Variants in RANBP2 observed in about 807,000 individuals in gnomAD.
The protein encoded by RANBP2 is RAN binding protein 2.
RANBP2 carries 57 observed loss-of-function variants against 303.6 expected under a neutral mutation model. That is an observed-to-expected ratio of 0.19 (90% CI 0.15 to 0.23). RANBP2 has a LOEUF of 0.23. Among genes scored for constraint, RANBP2 ranks in the 10% least tolerant of loss-of-function variants. The pLI is 1.00. For synonymous variants in RANBP2, 1,167 were observed against 1,301.5 expected, an observed-to-expected ratio of 0.90 and a Z score of 2.23; for missense variants, 3,138 against 3,780.8, an observed-to-expected ratio of 0.83 and a Z score of 4.46.
chr2:109,647,129 T>C, the RANBP2 span, among the ~76,000 whole-genome samples: 1 of 149,034 alleles, frequency 6.7e-6, no homozygotes. Context: ...TTTTGGGAAG[T>C]GTCAGCCACT....
At chr2:109,018,219 G>C in the RANBP2 span, among the ~76,000 whole-genome samples, 1 of 152,140 alleles carries the variant, frequency 6.6e-6, no homozygotes, top group Non-Finnish European at 1.5e-5. Flanking sequence ...TTTCTATGAC[G>C]GACATGATAA....
At chr2:109,199,031 C>T in the RANBP2 span, among the ~76,000 whole-genome samples, 2 of 151,956 alleles carry the variant, frequency 1.3e-5, no homozygotes, top group African/African-American at 2.4e-5. Flanking sequence ...CCTTAAGCAC[C>T]GTCTTGAGTT....
the RANBP2 span, chr2:108,878,574 C>T: frequency 0.75 from 141,433 of 188,826 alleles, 56,022 homozygotes; most frequent in East Asian, 0.95. Flanking sequence ...TATGTTTTAT[C>T]GGGAAAATGG....
chr2:109,175,585 A>C, the RANBP2 span, among the ~76,000 whole-genome samples: 2 of 152,340 alleles, frequency 1.3e-5, no homozygotes, highest in South Asian at 4.1e-4. Context: ...GGAGCTGCAA[A>C]TCTGAAATCT....
the RANBP2 span, among the ~76,000 whole-genome samples, chr2:109,301,601 G>T: frequency 6.6e-6 from 1 of 152,100 alleles, no homozygotes; most frequent in Admixed American, 6.5e-5. Flanking sequence ...CGTCCCCAGG[G>T]CCTCTGTGGG....
the RANBP2 span, among the ~76,000 whole-genome samples, chr2:109,058,893 C>G: frequency 6.6e-6 from 1 of 152,108 alleles, no homozygotes; most frequent in African/African-American, 2.4e-5. Context: ...TGTGGGGTCC[C>G]TTTCGCCTCT....
chr2:109,262,779 T>C, the RANBP2 span, among the ~76,000 whole-genome samples: 33 of 152,208 alleles, frequency 2.2e-4, no homozygotes, highest in Non-Finnish European at 3.8e-4. Flanking sequence ...CATTTATATA[T>C]GTAATGGGCC....
chr2:109,135,814 C>T, the RANBP2 span, among the ~76,000 whole-genome samples: 3 of 152,060 alleles, frequency 2.0e-5, no homozygotes, highest in Non-Finnish European at 4.4e-5. Context: ...TTTAAATTTG[C>T]TCCAAGTTTA....
At chr2:108,949,818 G>C in the RANBP2 span, among the ~76,000 whole-genome samples, 1 of 152,202 alleles carries the variant, frequency 6.6e-6, no homozygotes, top group Admixed American at 6.5e-5. Context: ...GATTTATCAT[G>C]GGTTAGGTCT....
At chr2:109,038,696 C>A in the RANBP2 span, among the ~76,000 whole-genome samples, 1 of 152,102 alleles carries the variant, frequency 6.6e-6, no homozygotes, top group Non-Finnish European at 1.5e-5. Flanking sequence ...ACATGTATTT[C>A]TTTTGGGAAA....
the RANBP2 span, among the ~76,000 whole-genome samples, chr2:109,696,477 T>C: frequency 6.6e-6 from 1 of 152,222 alleles, no homozygotes; most frequent in African/African-American, 2.4e-5. Flanking sequence ...ATATGTGGGT[T>C]CATTTCTGGA....
At chr2:108,725,699 G>C (rs932694888) in intron 1 of RANBP2, among the ~76,000 whole-genome samples, 3 of 151,964 alleles carry the variant, frequency 2.0e-5, no homozygotes, top group African/African-American at 4.8e-5. Context: ...CCACTGCACT[G>C]CAGCCTGGCG....
chr2:108,823,885 G>A, the RANBP2 span, among the ~76,000 whole-genome samples: 1 of 151,836 alleles, frequency 6.6e-6, no homozygotes, highest in Non-Finnish European at 1.5e-5. Flanking sequence ...GCTGAGGCAA[G>A]AGAATTGCTT....
the RANBP2 span, among the ~76,000 whole-genome samples, chr2:109,266,419 C>T: frequency 6.6e-6 from 1 of 152,042 alleles, no homozygotes; most frequent in African/African-American, 2.4e-5. Flanking sequence ...CAACAAGACT[C>T]GCAGGAACAA....
chr2:109,475,135 G>T, the RANBP2 span, among the ~76,000 whole-genome samples: 1 of 152,056 alleles, frequency 6.6e-6, no homozygotes, highest in African/African-American at 2.4e-5. Flanking sequence ...GCACCACCAC[G>T]CCCAGCTAAT....
At chr2:109,384,408 C>T in the RANBP2 span, among the ~76,000 whole-genome samples, 4 of 151,586 alleles carry the variant, frequency 2.6e-5, no homozygotes, top group African/African-American at 7.3e-5. Flanking sequence ...AAGCGGCCTT[C>T]GGGGAGGGGC....
chr2:109,623,843 G>C, the RANBP2 span, among the ~76,000 whole-genome samples: 1 of 152,220 alleles, frequency 6.6e-6, no homozygotes, highest in African/African-American at 2.4e-5. Flanking sequence ...AGGTTGGTAG[G>C]TTTGGGGTGG....
the RANBP2 span, among the ~76,000 whole-genome samples, chr2:109,659,314 G>A: frequency 4.6e-5 from 7 of 151,810 alleles, no homozygotes; most frequent in Admixed American, 6.6e-5. Flanking sequence ...GGCAGAGGTC[G>A]CAGTGAGCCA....
At chr2:109,415,686 G>A in the RANBP2 span, among the ~76,000 whole-genome samples, 34 of 152,174 alleles carry the variant, frequency 2.2e-4, no homozygotes, top group South Asian at 1.7e-3. Context: ...GAGGCCCCAC[G>A]CAGCCTGTCC....
Sources: allele counts gnomAD v4.1 joint callset (sites outside exome capture counted in the v4.1 genomes callset), GRCh38; gene constraint gnomAD v4.1.1; transcripts MANE v1.5; gene names NCBI Gene and HGNC (gene_info 2026-07-23, HGNC 2026-07-21).